SCHIP1: variants seen among roughly 807,000 people sequenced by gnomAD.
The protein encoded by SCHIP1 is schwannomin interacting protein 1.
SCHIP1 carries 8 observed loss-of-function variants against 29.7 expected under a neutral mutation model. That is an observed-to-expected ratio of 0.27 (90% CI 0.16 to 0.49). The LOEUF (loss-of-function observed/expected upper bound fraction) is 0.49. Among genes scored for constraint, SCHIP1 ranks in the 20% least tolerant of loss-of-function variants. The pLI, the probability that SCHIP1 is intolerant of heterozygous loss-of-function variation, is 0.99. For synonymous variants in SCHIP1, 76 were observed against 94.9 expected, an observed-to-expected ratio of 0.80 and a Z score of 1.16; for missense variants, 193 against 294.6, an observed-to-expected ratio of 0.66 and a Z score of 2.52.
At chr3:159,610,865 A>G in the SCHIP1 span, among the ~76,000 whole-genome samples, 1 of 150,218 alleles carries the variant, frequency 6.7e-6, no homozygotes, top group East Asian at 1.9e-4. Context: ...AGAGTTTGAA[A>G]ATCAAATTAA....
chr3:159,540,559 C>T, the SCHIP1 span, among the ~76,000 whole-genome samples: 2 of 152,100 alleles, frequency 1.3e-5, no homozygotes, highest in Non-Finnish European at 2.9e-5. Context: ...AGATAGCCTT[C>T]AAGTAACTTA....
the SCHIP1 span, among the ~76,000 whole-genome samples, chr3:159,332,886 G>A: frequency 6.6e-6 from 1 of 152,124 alleles, no homozygotes. Context: ...TATGTTTCTG[G>A]GTTTTTACTG....
the SCHIP1 span, among the ~76,000 whole-genome samples, chr3:159,643,926 G>A: frequency 2.6e-5 from 4 of 152,024 alleles, no homozygotes; most frequent in Non-Finnish European, 4.4e-5. Flanking sequence ...ACAGGACAGC[G>A]AGCACCACTC....
chr3:159,336,767 C>A, the SCHIP1 span, among the ~76,000 whole-genome samples: 1 of 152,138 alleles, frequency 6.6e-6, no homozygotes, highest in Admixed American at 6.5e-5. Context: ...AGTTTGAAGT[C>A]AGATAATGTG....
the SCHIP1 span, among the ~76,000 whole-genome samples, chr3:159,538,006 A>G: frequency 6.6e-6 from 1 of 152,170 alleles, no homozygotes; most frequent in Non-Finnish European, 1.5e-5. Context: ...TTGTGGCCTG[A>G]TCTGTACACT....
the SCHIP1 span, among the ~76,000 whole-genome samples, chr3:159,423,064 G>A: frequency 6.6e-6 from 1 of 152,192 alleles, no homozygotes; most frequent in Non-Finnish European, 1.5e-5. Context: ...ATATGTCATG[G>A]CAGGGGGAGG....
the SCHIP1 span, among the ~76,000 whole-genome samples, chr3:159,420,021 A>G: frequency 4.6e-5 from 7 of 152,264 alleles, no homozygotes; most frequent in East Asian, 1.4e-3. Context: ...CACTACTGCT[A>G]TTTTCATGAC....
At chr3:159,883,929 G>A (rs1716700953) in intron 2 of SCHIP1, among the ~76,000 whole-genome samples, 2 of 152,084 alleles carry the variant, frequency 1.3e-5, no homozygotes, top group African/African-American at 2.4e-5. Context: ...AGAAGTCAGC[G>A]TGGCCGCAGA....
chr3:159,650,495 G>A, the SCHIP1 span, among the ~76,000 whole-genome samples: 3 of 152,088 alleles, frequency 2.0e-5, no homozygotes, highest in African/African-American at 7.2e-5. Context: ...TACACCTGTG[G>A]TACAGCTATA....
chr3:159,421,177 T>C, the SCHIP1 span, among the ~76,000 whole-genome samples: 1 of 152,232 alleles, frequency 6.6e-6, no homozygotes, highest in East Asian at 1.9e-4. Context: ...TACACAGAAT[T>C]TGTCACCTTT....
chr3:159,406,247 C>G, the SCHIP1 span, among the ~76,000 whole-genome samples: 1 of 152,092 alleles, frequency 6.6e-6, no homozygotes, highest in Non-Finnish European at 1.5e-5. Flanking sequence ...GAATAACATA[C>G]AACGAGCTCC....
At chr3:159,785,228 C>A in the SCHIP1 span, among the ~76,000 whole-genome samples, 1 of 152,132 alleles carries the variant, frequency 6.6e-6, no homozygotes, top group South Asian at 2.1e-4. Context: ...GCAGGGTGAA[C>A]CCAAAATTCT....
At chr3:159,795,209 T>G in the SCHIP1 span, among the ~76,000 whole-genome samples, 13 of 152,306 alleles carry the variant, frequency 8.5e-5, no homozygotes, top group African/African-American at 3.1e-4. Flanking sequence ...TAGAGCAGGA[T>G]AGAACCAAAC....
At chr3:159,698,087 C>T in the SCHIP1 span, among the ~76,000 whole-genome samples, 2 of 152,234 alleles carry the variant, frequency 1.3e-5, no homozygotes, top group Non-Finnish European at 2.9e-5. Context: ...ACTGGTTCCC[C>T]TCACAGAACT....
At chr3:159,732,711 T>G in the SCHIP1 span, among the ~76,000 whole-genome samples, 4 of 151,984 alleles carry the variant, frequency 2.6e-5, no homozygotes, top group African/African-American at 9.7e-5. Flanking sequence ...AGGGACAAAT[T>G]ATAGATAAGA....
chr3:159,814,089 G>A, the SCHIP1 span, among the ~76,000 whole-genome samples: 1 of 152,186 alleles, frequency 6.6e-6, no homozygotes, highest in Admixed American at 6.5e-5. Flanking sequence ...AGCTGACAGT[G>A]CTCAGCTGAG....
the SCHIP1 span, among the ~76,000 whole-genome samples, chr3:159,354,801 G>T: frequency 6.6e-6 from 1 of 152,228 alleles, no homozygotes; most frequent in Non-Finnish European, 1.5e-5. Flanking sequence ...CATAGCATTT[G>T]TTTCACATCG....
the SCHIP1 span, among the ~76,000 whole-genome samples, chr3:159,703,337 C>T: frequency 2.3e-4 from 35 of 152,276 alleles, no homozygotes; most frequent in Admixed American, 9.1e-4. Context: ...TTTTCAAAAG[C>T]ATTTCATCTT....
chr3:159,700,372 G>C, the SCHIP1 span, among the ~76,000 whole-genome samples: 1 of 152,190 alleles, frequency 6.6e-6, no homozygotes, highest in Non-Finnish European at 1.5e-5. Flanking sequence ...ATAGATTATA[G>C]AATAAAATAC....
Sources: gnomAD v4.1 joint callset for allele counts (sites outside exome capture counted in the v4.1 genomes callset) on GRCh38, gnomAD v4.1.1 for gene constraint, MANE v1.5 for transcripts, NCBI Gene and HGNC (gene_info 2026-07-23, HGNC 2026-07-21) for gene names.